Variants in ADTRP observed in about 807,000 individuals in gnomAD.
ADTRP encodes the protein androgen-dependent TFPI-regulating protein.
A neutral mutation model predicts 27.0 loss-of-function variants in ADTRP; 20 were observed. The observed-to-expected ratio is 0.74, with a 90% CI of 0.52 to 1.08. The LOEUF is 1.08. Among genes scored for constraint, ADTRP ranks in the 50% least tolerant of loss-of-function variants. The probability of loss-of-function intolerance (pLI) is 0.00; values close to 1 mark genes in which losing one functional copy is unlikely to be tolerated. For missense variants in ADTRP, 251 were observed against 275.0 expected (o/e 0.91, Z 0.62); for synonymous variants, 101 against 105.2 (o/e 0.96, Z 0.25).
intron 1 of ADTRP, among the ~76,000 whole-genome samples, chr6:11,771,383 G>A (rs916446009): frequency 1.3e-5 from 2 of 152,182 alleles, no homozygotes; most frequent in African/African-American, 2.4e-5. Flanking sequence ...CTAGGGAGCC[G>A]CCAAGGAAAA....
chr6:11,745,715 G>A (rs1389801953), intron 3 of ADTRP, among the ~76,000 whole-genome samples: 3 of 152,200 alleles, frequency 2.0e-5, no homozygotes, highest in Non-Finnish European at 2.9e-5. Flanking sequence ...CAAAATAAAA[G>A]TTAATTTTAA....
At chr6:11,759,948 G>A (rs747993084) in intron 3 of ADTRP, among the ~76,000 whole-genome samples, 1 of 152,140 alleles carries the variant, frequency 6.6e-6, no homozygotes, top group African/African-American at 2.4e-5. Flanking sequence ...GCCAAGGAAG[G>A]TAAGTGGTCT....
At chr6:11,734,146 G>A (rs544067728) in intron 4 of ADTRP, among the ~76,000 whole-genome samples, 16 of 152,254 alleles carry the variant, frequency 1.1e-4, no homozygotes, top group Admixed American at 8.5e-4. Context: ...ACACATGCAA[G>A]AACAACAACA....
intron 4 of ADTRP, among the ~76,000 whole-genome samples, chr6:11,732,747 G>C (rs776820616): frequency 6.6e-6 from 1 of 152,124 alleles, no homozygotes; most frequent in African/African-American, 2.4e-5. Flanking sequence ...GTTCCTGCTG[G>C]TGACAGGTCT....
rs1561781600 is a variant in ADTRP, at chr6:11,778,739, G to A, written c.21C>T (p.Cys7=). 1.2e-6 allele frequency: 2 copies of A among 1,614,108 alleles called. No individual in the cohort carries two copies. Among genetic ancestry groups the A allele is most frequent in the Admixed American group, 3.3e-5 (2 of 60,024 alleles). MTKTST[C]IYHFLVLSWY... is the part of the protein sequence containing the mutation. ...AGCTCAGAACAAGGAAGTGGTATAT[G>A]CATGTAGAAGTCTTCGTCATGGCGA... The change falls in exon 1 of 6, where the codon TGC becomes TGT. Residue 7 remains cysteine, a synonymous_variant. Coordinates refer to ENST00000414691, the MANE Select transcript of ADTRP (RefSeq NM_032744.4).
chr6:11,765,871 T>G (rs1000624676), intron 3 of ADTRP, among the ~76,000 whole-genome samples: 3 of 152,226 alleles, frequency 2.0e-5, no homozygotes, highest in African/African-American at 7.2e-5. Flanking sequence ...GTGTGTTACT[T>G]AAGTAGCTGC....
intron 1 of ADTRP, among the ~76,000 whole-genome samples, chr6:11,773,273 T>A (rs1426502262): frequency 6.6e-6 from 1 of 152,072 alleles, no homozygotes; most frequent in Non-Finnish European, 1.5e-5. Flanking sequence ...CTTTTCTGTA[T>A]GTTTGGTATT....
chr6:11,769,827 T>C (rs1433944207), intron 1 of ADTRP, among the ~76,000 whole-genome samples: 1 of 152,238 alleles, frequency 6.6e-6, no homozygotes, highest in Non-Finnish European at 1.5e-5. Context: ...TTAATCTTTA[T>C]GTAGGCTAAA....
chr6:11,765,160 G>A (rs190320783), intron 3 of ADTRP, among the ~76,000 whole-genome samples: 29 of 152,096 alleles, frequency 1.9e-4, no homozygotes, highest in African/African-American at 7.0e-4. Context: ...ACTGGGGCTT[G>A]TGGCAGGGGC....
chr6:11,717,118 A>G, intron 5 of ADTRP: 1 of 582,232 alleles, frequency 1.7e-6, no homozygotes, highest in Non-Finnish European at 2.5e-6. Context: ...AATTCACAAA[A>G]TGGATTTTAA....
At chr6:11,718,622 A>G (rs942488656) in intron 5 of ADTRP, among the ~76,000 whole-genome samples, 3 of 152,104 alleles carry the variant, frequency 2.0e-5, no homozygotes, top group African/African-American at 7.2e-5. Flanking sequence ...AGCTTCCCCC[A>G]TCTGCTTCTA....
chr6:11,774,675 A>G (rs1049965490), intron 1 of ADTRP, among the ~76,000 whole-genome samples: 2 of 152,116 alleles, frequency 1.3e-5, no homozygotes, highest in Non-Finnish European at 2.9e-5. Flanking sequence ...TCTCCCCTGG[A>G]GATCCCAGTT....
chr6:11,775,737 C>T (rs958862682), intron 1 of ADTRP, among the ~76,000 whole-genome samples: 1 of 152,192 alleles, frequency 6.6e-6, no homozygotes, highest in African/African-American at 2.4e-5. Flanking sequence ...TCTCCCCTTC[C>T]AGTCCCCTGG....
At chr6:11,765,096 C>T (rs1763519452) in intron 3 of ADTRP, among the ~76,000 whole-genome samples, 1 of 119,426 alleles carries the variant, frequency 8.4e-6, no homozygotes, top group Admixed American at 9.0e-5. Flanking sequence ...GTCAGTCAAT[C>T]ATCAATAACT....
intron 3 of ADTRP, chr6:11,755,037 C>A (rs1763168962): frequency 4.1e-6 from 4 of 985,342 alleles, no homozygotes; most frequent in Non-Finnish European, 2.4e-6. Context: ...GTTTCTCCAG[C>A]CTGGTTATTC....
intron 3 of ADTRP, among the ~76,000 whole-genome samples, chr6:11,752,572 C>T (rs1245095459): frequency 6.6e-6 from 1 of 152,180 alleles, no homozygotes; most frequent in Non-Finnish European, 1.5e-5. Flanking sequence ...CATGGGAGCT[C>T]ACCAGGAAGC....
intron 3 of ADTRP, among the ~76,000 whole-genome samples, chr6:11,761,213 A>G (rs1413731910): frequency 5.3e-5 from 8 of 152,226 alleles, no homozygotes; most frequent in Non-Finnish European, 1.0e-4. Context: ...CTTGGCCACC[A>G]TAATTTCCCT....
intron 3 of ADTRP, among the ~76,000 whole-genome samples, chr6:11,756,105 A>G (rs1210989527): frequency 6.6e-6 from 1 of 152,216 alleles, no homozygotes; most frequent in Non-Finnish European, 1.5e-5. Flanking sequence ...GGTTGGACCT[A>G]GTGGCTCACA....
At chr6:11,733,553 C>G (rs1391054282) in intron 4 of ADTRP, among the ~76,000 whole-genome samples, 1 of 152,208 alleles carries the variant, frequency 6.6e-6, no homozygotes, top group East Asian at 1.9e-4. Context: ...CTGCACATCT[C>G]TCTGTGTGCC....
Sources: gnomAD v4.1 joint callset for allele counts (sites outside exome capture counted in the v4.1 genomes callset) on GRCh38, gnomAD v4.1.1 for gene constraint, MANE v1.5 for transcripts, NCBI Gene and HGNC (gene_info 2026-07-23, HGNC 2026-07-21) for gene names.